The following STARD13 variants were observed in gnomAD, a reference collection of about 807,000 sequenced individuals.
STARD13 encodes the protein stAR-related lipid transfer protein 13.
A neutral mutation model predicts 106.4 loss-of-function variants in STARD13; 62 were observed. The observed-to-expected ratio is 0.58, with a 90% CI of 0.48 to 0.72. The LOEUF (loss-of-function observed/expected upper bound fraction) is 0.72. Among genes scored for constraint, STARD13 ranks in the 30% least tolerant of loss-of-function variants. STARD13 has a pLI of 0.00. For synonymous variants in STARD13, 565 were observed against 553.0 expected (o/e 1.02, Z -0.31); for missense variants, 1,387 against 1,424.0 (o/e 0.97, Z 0.42).
the STARD13 span, among the ~76,000 whole-genome samples, chr13:33,602,257 A>G: frequency 2.0e-5 from 3 of 152,052 alleles, no homozygotes; most frequent in Non-Finnish European, 4.4e-5. Flanking sequence ...ACGCCCAGCT[A>G]ATTTTTTGTA....
At chr13:33,128,633 C>A (rs531362729) in intron 5 of STARD13, among the ~76,000 whole-genome samples, 2 of 152,178 alleles carry the variant, frequency 1.3e-5, no homozygotes, top group South Asian at 4.1e-4. Flanking sequence ...ATCCAGGATT[C>A]CCTGCCTATG....
At chr13:33,382,275 C>T in the STARD13 span, among the ~76,000 whole-genome samples, 1 of 152,082 alleles carries the variant, frequency 6.6e-6, no homozygotes, top group East Asian at 1.9e-4. Flanking sequence ...GAAGTTGTGC[C>T]GAATCTCCCT....
At chr13:33,426,010 T>G in the STARD13 span, among the ~76,000 whole-genome samples, 6,830 of 152,320 alleles carry the variant, frequency 0.045, 241 homozygotes, top group Non-Finnish European at 0.063. Context: ...TTTAAACCAT[T>G]TATTTATTTT....
At chr13:33,507,067 C>T in the STARD13 span, among the ~76,000 whole-genome samples, 2 of 152,118 alleles carry the variant, frequency 1.3e-5, no homozygotes, top group East Asian at 1.9e-4. Context: ...TGTCACTGCA[C>T]TCCAGCCTGG....
intron 1 of STARD13, among the ~76,000 whole-genome samples, chr13:33,319,155 T>C (rs1418429913): frequency 1.3e-5 from 2 of 152,228 alleles, no homozygotes; most frequent in African/African-American, 4.8e-5. Context: ...AATGTCCATC[T>C]ACTGATAAAC....
intron 1 of STARD13, among the ~76,000 whole-genome samples, chr13:33,187,654 A>G (rs575127261): frequency 3.0e-4 from 46 of 152,254 alleles, no homozygotes; most frequent in African/African-American, 1.1e-3. Context: ...AAATTAAATG[A>G]AGCATCTTTT....
At chr13:33,312,476 C>G (rs770878041) in intron 1 of STARD13, among the ~76,000 whole-genome samples, 2 of 152,160 alleles carry the variant, frequency 1.3e-5, no homozygotes, top group Non-Finnish European at 2.9e-5. Context: ...ACCCCACCCC[C>G]ATCCTCTCAT....
chr13:33,553,862 G>A, the STARD13 span, among the ~76,000 whole-genome samples: 3 of 152,044 alleles, frequency 2.0e-5, no homozygotes, highest in Admixed American at 1.3e-4. Context: ...ACGGGTGTGA[G>A]CCACCGTGCC....
the STARD13 span, among the ~76,000 whole-genome samples, chr13:33,586,501 A>G: frequency 6.6e-6 from 1 of 152,170 alleles, no homozygotes; most frequent in African/African-American, 2.4e-5. Context: ...CTAATCTTCA[A>G]CAAAAATACT....
At position 33,110,805 on chromosome 13, in the gene STARD13, C is replaced by T. The variant is rs1566529891; in HGVS notation, c.2710G>A (p.Ala904Thr). The T allele has an allele frequency of 1.2e-6, 2 of 1,614,130 alleles. No individual in the cohort carries two copies. Among genetic ancestry groups the T allele is most frequent in the East Asian group, 4.5e-5 (2 of 44,878 alleles). The change falls in exon 11 of 14, where the codon GCA becomes ACA. Residue 904 changes from alanine to threonine, a missense_variant. By Grantham distance (58) the Ala-to-Thr change is moderately conservative. Coordinates refer to ENST00000336934, the MANE Select transcript of STARD13 (RefSeq NM_178006.4). ...TGGTTCAGGTAAGTGTGGAAAGTTG[C>T]CCCACTCTCCTCCAGCTGTGTCCCC... ...ELGTQLEESG[A>T]TFHTYLNHLI...
intron 1 of STARD13, among the ~76,000 whole-genome samples, chr13:33,219,193 A>C (rs1221817034): frequency 1.3e-5 from 2 of 152,170 alleles, no homozygotes; most frequent in Non-Finnish European, 2.9e-5. Flanking sequence ...CCACAGTTCC[A>C]GGGCATGACT....
At chr13:33,401,897 G>T in the STARD13 span, among the ~76,000 whole-genome samples, 1 of 152,108 alleles carries the variant, frequency 6.6e-6, no homozygotes, top group Non-Finnish European at 1.5e-5. Flanking sequence ...ACACATCAAA[G>T]TATTTTTGAA....
the STARD13 span, among the ~76,000 whole-genome samples, chr13:33,538,572 T>C: frequency 6.6e-6 from 1 of 151,340 alleles, no homozygotes; most frequent in Non-Finnish European, 1.5e-5. Context: ...AGCTTCCTAA[T>C]AGAAGCAAAA....
intron 8 of STARD13, chr13:33,117,634 A>G: frequency 1.0e-6 from 1 of 976,916 alleles, no homozygotes; most frequent in Non-Finnish European, 1.2e-6. Flanking sequence ...GCTAAAATAC[A>G]TTTGTTTTTA....
At chr13:33,650,681 G>A in the STARD13 span, among the ~76,000 whole-genome samples, 4 of 152,352 alleles carry the variant, frequency 2.6e-5, no homozygotes, top group East Asian at 7.7e-4. Context: ...ATTTGAATGT[G>A]TGTGTCCCTC....
At chr13:33,555,288 C>G in the STARD13 span, among the ~76,000 whole-genome samples, 1 of 152,174 alleles carries the variant, frequency 6.6e-6, no homozygotes, top group Non-Finnish European at 1.5e-5. Context: ...TCTGCTATTT[C>G]TCTAACCTCT....
At chr13:33,202,181 T>C (rs1217823361) in intron 1 of STARD13, among the ~76,000 whole-genome samples, 2 of 152,142 alleles carry the variant, frequency 1.3e-5, no homozygotes, top group African/African-American at 4.8e-5. Flanking sequence ...TAGAGACAGA[T>C]GGATGATAGT....
chr13:33,438,300 C>T, the STARD13 span, among the ~76,000 whole-genome samples: 4 of 152,188 alleles, frequency 2.6e-5, no homozygotes, highest in South Asian at 2.1e-4. Context: ...AAGCGAAACA[C>T]GTTCTTTGCT....
At chr13:33,256,807 T>C (rs1434903749) in intron 1 of STARD13, among the ~76,000 whole-genome samples, 1 of 152,212 alleles carries the variant, frequency 6.6e-6, no homozygotes, top group East Asian at 1.9e-4. Context: ...CTGATGAAGA[T>C]TTCAATAAAG....
Sources: gnomAD v4.1 joint callset for allele counts (sites outside exome capture counted in the v4.1 genomes callset) on GRCh38, gnomAD v4.1.1 for gene constraint, MANE v1.5 for transcripts, NCBI Gene and HGNC (gene_info 2026-07-23, HGNC 2026-07-21) for gene names.